PDE10A: variants seen among roughly 807,000 people sequenced by gnomAD.
PDE10A encodes the protein cAMP and cAMP-inhibited cGMP 3',5'-cyclic phosphodiesterase 10A.
PDE10A carries 39 observed loss-of-function variants against 97.7 expected under a neutral mutation model. That is an observed-to-expected ratio of 0.40 (90% CI 0.31 to 0.52). PDE10A has a LOEUF of 0.52. Ranked by LOEUF, PDE10A falls within the 20% of genes least tolerant of loss-of-function variation. The pLI is 0.56. For synonymous variants in PDE10A, 371 were observed against 376.8 expected (o/e 0.98, Z 0.18); for missense variants, 731 against 1,047.8 (o/e 0.70, Z 4.17).
chr6:165,741,343 A>C (rs1792715600), intron 1 of PDE10A, among the ~76,000 whole-genome samples: 1 of 152,188 alleles, frequency 6.6e-6, no homozygotes, highest in African/African-American at 2.4e-5. Context: ...AAAATTTATT[A>C]ATCCACTTTT....
At chr6:165,563,947 A>G (rs1784649820) in intron 1 of PDE10A, among the ~76,000 whole-genome samples, 1 of 151,718 alleles carries the variant, frequency 6.6e-6, no homozygotes, top group Non-Finnish European at 1.5e-5. Flanking sequence ...ATGTACCTAC[A>G]GATATAAACA....
chr6:165,723,676 A>G (rs1792220307), intron 1 of PDE10A, among the ~76,000 whole-genome samples: 1 of 152,232 alleles, frequency 6.6e-6, no homozygotes, highest in Admixed American at 6.5e-5. Context: ...AGGGAAATGA[A>G]TAACACCCAG....
intron 3 of PDE10A, among the ~76,000 whole-genome samples, chr6:165,481,943 G>C (rs1779625857): frequency 6.6e-6 from 1 of 152,182 alleles, no homozygotes; most frequent in Admixed American, 6.5e-5. Flanking sequence ...GCAGCTGAAG[G>C]CAGCTTCCGC....
chr6:165,371,988 C>A lies in PDE10A; in HGVS notation c.2783+7206G>T, dbSNP rs1275887318. On this transcript the variant is annotated intron_variant, in intron 18 of 21. Coordinates refer to ENST00000539869, the MANE Select transcript of PDE10A (RefSeq NM_001385079.1). ...CCAAAGACAAAAACCACATGATTATCTCAATAGCTGCAGAAAAGGCCTTTG... is the reference window on the plus strand; with the variant it reads ...CCAAAGACAAAAACCACATGATTATATCAATAGCTGCAGAAAAGGCCTTTG... Among the ~76,000 whole-genome samples the A allele has an allele frequency of 2.7e-5, 4 of 150,556 alleles. No homozygotes were observed. The East Asian group carries it at 7.8e-4, about 29-fold the overall frequency.
chr6:165,449,946 G>A (rs1791165363), intron 4 of PDE10A, among the ~76,000 whole-genome samples: 2 of 152,204 alleles, frequency 1.3e-5, no homozygotes, highest in South Asian at 4.1e-4. Context: ...TTATAAAGAT[G>A]TGATTTAATT....
intron 1 of PDE10A, among the ~76,000 whole-genome samples, chr6:165,702,599 AG>A (rs1791607030): frequency 6.6e-6 from 1 of 152,250 alleles, no homozygotes. Flanking sequence ...CTAATTCGCC[AG>A]GAACAGTGGC....
chr6:165,820,451 A>G (rs993052955), intron 1 of PDE10A, among the ~76,000 whole-genome samples: 1 of 152,224 alleles, frequency 6.6e-6, no homozygotes, highest in Non-Finnish European at 1.5e-5. Context: ...TGATTCCAAT[A>G]AATGAGTTTT....
intron 1 of PDE10A, among the ~76,000 whole-genome samples, chr6:165,967,464 T>G (rs1784545758): frequency 6.6e-6 from 1 of 152,228 alleles, no homozygotes; most frequent in Admixed American, 6.5e-5. Context: ...GCCACTGCAC[T>G]CCAGCCTGGG....
chr6:165,599,429 C>T (rs568362190), intron 1 of PDE10A, among the ~76,000 whole-genome samples: 1 of 152,192 alleles, frequency 6.6e-6, no homozygotes, highest in Non-Finnish European at 1.5e-5. Context: ...AAGCTTCCTT[C>T]TGATACATTT....
intron 1 of PDE10A, among the ~76,000 whole-genome samples, chr6:165,934,152 C>CTTTTTTTTTTTT (rs778137427): frequency 9.2e-6 from 1 of 109,168 alleles, no homozygotes; most frequent in Non-Finnish European, 1.8e-5. Flanking sequence ...CCTGGCTGAT[C>CTTTTTTTTTTTT]TTTTTTTTTT....
intron 2 of PDE10A, among the ~76,000 whole-genome samples, chr6:165,530,344 A>C (rs1782700401): frequency 6.6e-6 from 1 of 151,960 alleles, no homozygotes; most frequent in Non-Finnish European, 1.5e-5. Flanking sequence ...CCCCTGAAAC[A>C]ACCACCAAGA....
intron 2 of PDE10A, among the ~76,000 whole-genome samples, chr6:165,516,720 A>T (rs1249115717): frequency 2.0e-5 from 3 of 152,240 alleles, no homozygotes; most frequent in African/African-American, 7.2e-5. Flanking sequence ...TTATTTATCC[A>T]AACAAAATCA....
chr6:165,413,998 AC>A (rs1583235397), intron 12 of PDE10A, among the ~76,000 whole-genome samples: 2 of 152,178 alleles, frequency 1.3e-5, no homozygotes, highest in East Asian at 3.8e-4. Flanking sequence ...CCAAAAAAAA[AC>A]GTGGATTCAG....
intron 3 of PDE10A, among the ~76,000 whole-genome samples, chr6:165,479,336 C>T (rs903060113): frequency 3.3e-5 from 5 of 152,126 alleles, no homozygotes; most frequent in African/African-American, 7.2e-5. Context: ...CTAAATACCC[C>T]CAATTCCATT....
chr6:165,611,564 G>C (rs762563387), intron 1 of PDE10A, among the ~76,000 whole-genome samples: 2 of 152,226 alleles, frequency 1.3e-5, no homozygotes, highest in Non-Finnish European at 2.9e-5. Flanking sequence ...GTGTGAATAA[G>C]GAATAATGAC....
At chr6:165,735,020 G>C (rs532050330) in intron 1 of PDE10A, among the ~76,000 whole-genome samples, 1 of 131,696 alleles carries the variant, frequency 7.6e-6, no homozygotes, top group African/African-American at 3.9e-5. Context: ...TAGATAGGTA[G>C]GTAGTTAGGT....
At chr6:165,389,024 G>A (rs183453007) in intron 16 of PDE10A, among the ~76,000 whole-genome samples, 54 of 152,254 alleles carry the variant, frequency 3.5e-4, no homozygotes, top group Admixed American at 1.7e-3. Flanking sequence ...GCAAAGACCC[G>A]AAACAGGGTA....
At chr6:165,892,203 A>G (rs894519916) in intron 1 of PDE10A, among the ~76,000 whole-genome samples, 2 of 152,094 alleles carry the variant, frequency 1.3e-5, no homozygotes, top group African/African-American at 4.8e-5. Flanking sequence ...TGATGGAGGG[A>G]GATGGGAGTT....
intron 1 of PDE10A, among the ~76,000 whole-genome samples, chr6:165,913,896 G>C (rs1241763231): frequency 6.6e-6 from 1 of 152,224 alleles, no homozygotes. Context: ...TTCGCAAAGA[G>C]ATTTTATCTT....
Sources: allele counts gnomAD v4.1 joint callset (sites outside exome capture counted in the v4.1 genomes callset), GRCh38; gene constraint gnomAD v4.1.1; transcripts MANE v1.5; gene names NCBI Gene and HGNC (gene_info 2026-07-23, HGNC 2026-07-21).